The following CARMIL3 variants were observed in gnomAD, a reference collection of about 807,000 sequenced individuals.
CARMIL3 encodes the protein capping protein, Arp2/3 and myosin-I linker protein 3.
CARMIL3 carries 88 observed loss-of-function variants against 180.8 expected under a neutral mutation model. That is an observed-to-expected ratio of 0.49 (90% CI 0.41 to 0.58). The LOEUF (loss-of-function observed/expected upper bound fraction) is 0.58. Among genes scored for constraint, CARMIL3 ranks in the 20% least tolerant of loss-of-function variants. CARMIL3 has a pLI of 0.00. For missense variants in CARMIL3, 1,548 were observed against 1,787.0 expected (o/e 0.87, Z 2.41); for synonymous variants, 696 against 714.5 (o/e 0.97, Z 0.41).
At position 24,065,149 on chromosome 14, in the gene CARMIL3, G is replaced by C. The variant is rs2035773109; in HGVS notation, c.3272G>C (p.Ser1091Thr). The C allele has an allele frequency of 2.1e-6, 3 of 1,401,442 alleles. No individual in the cohort carries two copies. The highest frequency in any genetic ancestry group is 3.0e-5 in the Admixed American group (1 of 33,550). The allele number at this position is 1,401,442 out of a possible 1,614,324, so 86.8% of individuals were successfully genotyped here. A position where few individuals can be genotyped will look rare whatever the true frequency, so the allele number is the denominator to read the frequency against. ...CCACCCCCTCCCCCGACTCAGGAGA[G>C]CCCCCCTAGCCCAGACCCCCCAAGC... ...PPPPPPPTQE[S>T]PPSPDPPSLG... The change falls in exon 33 of 40, where the codon AGC (serine) becomes ACC (threonine). Residue 1091 changes from serine (S) to threonine (T), a missense_variant. Physicochemically the swap from Ser to Thr is moderately conservative, Grantham distance 58. Transcript: ENST00000342740.
Position 24,066,588 on chromosome 14 carries a change from C to T in CARMIL3, c.3614C>T (p.Pro1205Leu), listed in dbSNP as rs2035789242. 3 of 1,614,242 alleles carry T rather than the reference C, an allele frequency of 1.9e-6. No homozygotes were observed. The highest frequency in any genetic ancestry group is 1.7e-6 in the Non-Finnish European group (2 of 1,180,044). Residue 1205 changes from proline (P) to leucine (L), a missense_variant, in exon 36 of 40, where the codon CCA becomes CTA. Physicochemically the swap from Pro to Leu is moderately conservative, Grantham distance 98. Around this residue, in one of 4 missense-constraint regions of CARMIL3, gnomAD observed 668 missense variants for 687.8 expected, o/e 0.97. Coordinates refer to ENST00000342740, the MANE Select transcript of CARMIL3 (RefSeq NM_138360.4). The part of the protein sequence containing the change: ...DDAGPGSWKP[P>L]PPPQSTKPSF... ...CCAGGGCCTGGATCCTGGAAGCCCCCACCACCGCCCCAAAGCACCAAACCA... is the reference window on the plus strand; with the variant it reads ...CCAGGGCCTGGATCCTGGAAGCCCCTACCACCGCCCCAAAGCACCAAACCA...
intron 1 of CARMIL3, 28 bp downstream of exon 1, chr14:24,052,221 G>A (rs756326533): frequency 2.2e-5 from 35 of 1,568,366 alleles, no homozygotes; most frequent in South Asian, 2.1e-4. Flanking sequence ...TCTCTGGGAC[G>A]CCCCGTCCGG....
chr14:24,065,012 T>C lies in CARMIL3; in HGVS notation c.3135T>C (p.Pro1045=). The change falls in exon 33 of 40, where the codon CCT becomes CCC. Residue 1045 remains proline, a synonymous_variant. Coordinates refer to ENST00000342740, the MANE Select transcript of CARMIL3 (RefSeq NM_138360.4). ...VRPGLSEAPL[P]PLQKKRRRGL... Reference sequence around the variant, plus strand: ...CAGGACTCTCGGAGGCACCGCTGCCTCCACTCCAGAAGAAGAGGCGCCGGG... The same window carrying C: ...CAGGACTCTCGGAGGCACCGCTGCCCCCACTCCAGAAGAAGAGGCGCCGGG... 1 of 1,611,854 alleles carries C rather than the reference T, an allele frequency of 6.2e-7. No individual in the cohort carries two copies. The highest frequency in any genetic ancestry group is 1.3e-5 in the African/African-American group (1 of 74,924).
intron 36 of CARMIL3, among the ~76,000 whole-genome samples, chr14:24,067,213 TG>T (rs1271583075): frequency 6.6e-6 from 1 of 152,246 alleles, no homozygotes; most frequent in Non-Finnish European, 1.5e-5. Context: ...ATTTACTTTC[TG>T]GCCCCATGAC....
chr14:24,057,883 G>A lies in CARMIL3; in HGVS notation c.1217+4G>A. 6.2e-7 allele frequency: 1 copy of A among 1,613,036 alleles called. No individual in the cohort carries two copies. Reference sequence around the variant, plus strand: ...CTCGCAACAGCTGCTCCCACAGGTGGGAGAGGAGGGGGAAGGGAGGACAGG... The same window carrying A: ...CTCGCAACAGCTGCTCCCACAGGTGAGAGAGGAGGGGGAAGGGAGGACAGG... On this transcript the variant is annotated splice_donor_region_variant and intron_variant, in intron 15 of 39. Transcript: ENST00000342740.
intron 7 of CARMIL3, 46 bp downstream of exon 7, chr14:24,055,182 G>A (rs2035659585): frequency 2.5e-6 from 4 of 1,614,034 alleles, no homozygotes; most frequent in Non-Finnish European, 2.5e-6. Context: ...GACCTGGAGG[G>A]AAGGGGCTAA....
chr14:24,052,256 C>A, intron 1 of CARMIL3, 63 bp downstream of exon 1: 1 of 1,502,068 alleles, frequency 6.7e-7, no homozygotes, highest in Non-Finnish European at 8.9e-7. Flanking sequence ...CAGCGCGTTC[C>A]TCCCCGTGGT....
rs748939592 is a variant in CARMIL3 at position 24,062,738 on chromosome 14, G to T, written c.2598G>T (p.Leu866=). 1.2e-6 allele frequency: 2 copies of T among 1,612,622 alleles called. No homozygotes were observed. The highest frequency in any genetic ancestry group is 1.7e-6 in the Non-Finnish European group (2 of 1,179,232). ...LARHLTQLRT[L]SDPPGCPGQG... The stretch of plus-strand genomic sequence containing the variant: ...GGCACCTGACCCAGCTAAGGACGCT[G>T]TCAGATCCACCAGGGTGCCCAGGCC... The change falls in exon 29 of 40, where the codon CTG becomes CTT. Residue 866 remains leucine (L), a synonymous_variant. Transcript: ENST00000342740.
Position 24,066,384 on chromosome 14 carries a change from C to A in CARMIL3, c.3526-14C>A. The A allele has an allele frequency of 6.2e-7, 1 of 1,613,782 alleles. No individual in the cohort carries two copies. Among genetic ancestry groups the A allele is most frequent in the Non-Finnish European group, 8.5e-7 (1 of 1,179,820 alleles). On this transcript the variant is annotated splice_polypyrimidine_tract_variant and intron_variant, in intron 34 of 39. Transcript: ENST00000342740. ...GAGGAGACTTTCTTACAACCTGACCCACTGTTCTTTCAGGGCCCAGGCCCA... is the reference window on the plus strand; with the variant it reads ...GAGGAGACTTTCTTACAACCTGACCAACTGTTCTTTCAGGGCCCAGGCCCA...
Position 24,061,048 on chromosome 14 carries a change from C to T in CARMIL3, c.2304+8C>T, listed in dbSNP as rs915842900. The stretch of plus-strand genomic sequence containing the variant: ...GTGGACAAGGAGCTGCAGGCAAGTC[C>T]TGGAGGAGGGAGGAATCCATGGTGG... On this transcript the variant is annotated splice_region_variant and intron_variant, in intron 26 of 39. Coordinates refer to ENST00000342740, the MANE Select transcript of CARMIL3 (RefSeq NM_138360.4). This position sits in a 1 kb window ranked among gnomAD's most constrained non-coding sequence, Gnocchi z 4.1. The T allele has an allele frequency of 3.2e-6, 5 of 1,550,426 alleles. No individual in the cohort carries two copies. Among genetic ancestry groups the T allele is most frequent in the Admixed American group, 2.0e-5 (1 of 50,974 alleles).
rs1345916509 is a variant in CARMIL3, at chr14:24,065,144, G to A, written c.3267G>A (p.Gln1089=). 56 of 1,036,678 alleles carry A rather than the reference G, an allele frequency of 5.4e-5. No homozygotes were observed. In the Admixed American group the frequency reaches 8.7e-4, roughly 16 times the overall value. 64.2% of individuals were successfully genotyped at this position (1,036,678 alleles called of 1,614,324 possible). Residue 1089 remains glutamine (Q), a synonymous_variant, in exon 33 of 40, where the codon CAG becomes CAA. Coordinates refer to ENST00000342740, the MANE Select transcript of CARMIL3 (RefSeq NM_138360.4). Reference sequence around the variant, plus strand: ...CACCCCCACCCCCTCCCCCGACTCAGGAGAGCCCCCCTAGCCCAGACCCCC... The same window carrying A: ...CACCCCCACCCCCTCCCCCGACTCAAGAGAGCCCCCCTAGCCCAGACCCCC... ...LPPPPPPPPT[Q]ESPPSPDPPS... is the part of the protein sequence containing the mutation.
Position 24,058,343 on chromosome 14 carries a change from GC to G in CARMIL3, c.1392+121del. The G allele has an allele frequency of 9.5e-7, 1 of 1,055,538 alleles. No individual in the cohort carries two copies. Among genetic ancestry groups the G allele is most frequent in the Non-Finnish European group, 1.4e-6 (1 of 723,058 alleles). The allele number at this position is 1,055,538 out of a possible 1,614,324, so 65.4% of individuals were successfully genotyped here. ...TGACCCTCTGCGACCCCCTGACCTG[GC>G]CACACCACCACTTTCCCCTCTCAGT... On this transcript the variant is annotated intron_variant, in intron 17 of 39. Coordinates refer to ENST00000342740, the MANE Select transcript of CARMIL3 (RefSeq NM_138360.4). This position sits in a 1 kb window ranked among gnomAD's most constrained non-coding sequence, Gnocchi z 6.4.
chr14:24,058,536 T>G lies in CARMIL3; in HGVS notation c.1393-144T>G. On this transcript the variant is annotated intron_variant, in intron 17 of 39. Coordinates refer to ENST00000342740, the MANE Select transcript of CARMIL3 (RefSeq NM_138360.4). The surrounding 1 kb of genome is among the most constrained non-coding windows in gnomAD (Gnocchi z 6.4). ...GGGAAGCCAGCTCTAGGGAAGGATC[T>G]GGTGTGGGGAAAGAGTCTCCCTGAT... The G allele has an allele frequency of 1.4e-6, 1 of 693,414 alleles. No homozygotes were observed. Among genetic ancestry groups the G allele is most frequent in the Non-Finnish European group, 2.4e-6 (1 of 413,624 alleles). The allele number at this position is 693,414 out of a possible 1,614,324, so 43.0% of individuals were successfully genotyped here.
At position 24,058,599 on chromosome 14, in the gene CARMIL3, G is replaced by A. The variant is rs2035698524; in HGVS notation, c.1393-81G>A. ...TCCTGGCATGACTTTGAGTTCTGGT[G>A]TGACTACTATATCCTAAGCATTAAA... On this transcript the variant is annotated intron_variant, in intron 17 of 39. Coordinates refer to ENST00000342740, the MANE Select transcript of CARMIL3 (RefSeq NM_138360.4). This position sits in a 1 kb window ranked among gnomAD's most constrained non-coding sequence, Gnocchi z 6.4. 3 of 1,110,520 alleles carry A rather than the reference G, an allele frequency of 2.7e-6. No homozygotes were observed. The highest frequency in any genetic ancestry group is 2.6e-6 in the Non-Finnish European group (2 of 756,878). The allele number at this position is 1,110,520 out of a possible 1,614,324, so 68.8% of individuals were successfully genotyped here.
At chr14:24,064,893 T>C (rs1451405290) in intron 32 of CARMIL3, 65 bp from the exon 33 acceptor site, 3 of 1,533,308 alleles carry the variant, frequency 2.0e-6, no homozygotes, top group East Asian at 4.6e-5. Context: ...GGAAAGCAGG[T>C]TTATCAGACC....
rs1469164227 is a variant in CARMIL3, at chr14:24,058,359, C to G, written c.1392+135C>G. 11 of 899,916 alleles carry G rather than the reference C, an allele frequency of 1.2e-5. No homozygotes were observed. The highest frequency in any genetic ancestry group is 1.9e-5 in the Non-Finnish European group (11 of 586,954). 55.7% of individuals were successfully genotyped at this position (899,916 alleles called of 1,614,324 possible). A position where few individuals can be genotyped will look rare whatever the true frequency, so the allele number is the denominator to read the frequency against. On this transcript the variant is annotated intron_variant, in intron 17 of 39. Transcript: ENST00000342740. The surrounding 1 kb of genome is among the most constrained non-coding windows in gnomAD (Gnocchi z 6.4). ...CCTGACCTGGCCACACCACCACTTT[C>G]CCCTCTCAGTCTGGCCTCTTTTCCA...
rs1566539895 is a variant in CARMIL3 at position 24,058,150 on chromosome 14, C to T, written c.1323-5C>T. The stretch of plus-strand genomic sequence containing the variant: ...AAGGAGGGCCTGCTGACCTCCCTCC[C>T]ACAGGGCGCTGCTTCAGGGCCTCTC... On this transcript the variant is annotated splice_region_variant and splice_polypyrimidine_tract_variant and intron_variant, in intron 16 of 39. Transcript: ENST00000342740. This position sits in a 1 kb window ranked among gnomAD's most constrained non-coding sequence, Gnocchi z 6.4. The T allele has an allele frequency of 1.9e-6, 3 of 1,613,816 alleles. No individual in the cohort carries two copies. The highest frequency in any genetic ancestry group is 2.7e-5 in the African/African-American group (2 of 75,026).
At chr14:24,065,925 T>A (rs1039362098) in intron 34 of CARMIL3, among the ~76,000 whole-genome samples, 175 bp downstream of exon 34, 1 of 152,136 alleles carries the variant, frequency 6.6e-6, no homozygotes, top group Admixed American at 6.5e-5. Flanking sequence ...CCTGGACTGG[T>A]CACTTCACCT....
At chr14:24,052,485 C>T (rs2035627023) in intron 1 of CARMIL3, among the ~76,000 whole-genome samples, 1 of 152,198 alleles carries the variant, frequency 6.6e-6, no homozygotes, top group African/African-American at 2.4e-5. Flanking sequence ...GCGTTCCTAG[C>T]CCACCCTCGG....
Sources: gnomAD v4.1 joint callset for allele counts (sites outside exome capture counted in the v4.1 genomes callset) on GRCh38, gnomAD v4.1.1 for gene constraint, gnomAD v4.1.1 regional missense constraint, Gnocchi (gnomAD v3.1) non-coding constraint, MANE v1.5 for transcripts, NCBI Gene and HGNC (gene_info 2026-07-23, HGNC 2026-07-21) for gene names.